The following CERS6 variants were observed in gnomAD, a reference collection of about 807,000 sequenced individuals.
CERS6 encodes the protein LAG1 homolog, ceramide synthase 6.
Under a neutral mutation model 56.8 loss-of-function variants are expected in CERS6, and 26 were observed. That is an observed-to-expected ratio of 0.46 (90% CI 0.34 to 0.63). CERS6 has a LOEUF of 0.63. CERS6 is among the 30% of genes least tolerant of loss of function. CERS6 has a pLI of 0.01. For missense variants in CERS6, 415 were observed against 467.5 expected (o/e 0.89, Z 1.04); for synonymous variants, 164 against 173.3 (o/e 0.95, Z 0.42).
intron 3 of CERS6, among the ~76,000 whole-genome samples, chr2:168,627,598 G>A (rs1684618536): frequency 6.8e-6 from 1 of 146,362 alleles, no homozygotes; most frequent in Admixed American, 6.9e-5. Flanking sequence ...ATTTGTGTGT[G>A]TTGACTTGTT....
At chr2:168,497,883 G>T (rs987585111) in intron 1 of CERS6, among the ~76,000 whole-genome samples, 1 of 152,056 alleles carries the variant, frequency 6.6e-6, no homozygotes, top group East Asian at 1.9e-4. Flanking sequence ...GATGAAGGTG[G>T]CTCTGAAATA....
chr2:168,674,094 G>GAT (rs1198309774), intron 4 of CERS6, among the ~76,000 whole-genome samples: 1 of 152,090 alleles, frequency 6.6e-6, no homozygotes, highest in Non-Finnish European at 1.5e-5. Flanking sequence ...ATAATGACAA[G>GAT]ATAACATTTT....
intron 3 of CERS6, among the ~76,000 whole-genome samples, chr2:168,602,575 A>G (rs996525406): frequency 6.6e-6 from 1 of 152,242 alleles, no homozygotes; most frequent in Non-Finnish European, 1.5e-5. Flanking sequence ...GTTTAAATGA[A>G]TAATGTAGAT....
At chr2:168,618,567 A>G (rs1354261743) in intron 3 of CERS6, among the ~76,000 whole-genome samples, 3 of 152,072 alleles carry the variant, frequency 2.0e-5, no homozygotes, top group Non-Finnish European at 4.4e-5. Context: ...CAAGTCAGTA[A>G]CTCTCGTATA....
Position 168,520,598 on chromosome 2 carries a change from C to CTTTTTTGTTTTTTTTTTTT in CERS6, c.171-26992_171-26991insGTTTTTTTTTTTTTTTTTT, listed in dbSNP as rs1694959081. On this transcript the variant is annotated intron_variant, in intron 1 of 9. Coordinates refer to ENST00000305747, the MANE Select transcript of CERS6 (RefSeq NM_203463.3). ...TTAACTCTTTAACATTTACAATATC[C>CTTTTTTGTTTTTTTTTTTT]TTTTTTTTTTTTTTTTTTTTTTTTT... Among the ~76,000 whole-genome samples the CTTTTTTGTTTTTTTTTTTT allele has an allele frequency of 3.5e-5, 2 of 57,860 alleles. 1 individual carries two copies. The highest frequency in any genetic ancestry group is 1.1e-4 in the African/African-American group (2 of 17,578). The allele number at this position is 57,860 out of a possible 152,430, so 38.0% of individuals were successfully genotyped here. A position where few individuals can be genotyped will look rare whatever the true frequency, so the allele number is the denominator to read the frequency against.
chr2:168,525,564 T>C (rs957969847), intron 1 of CERS6, among the ~76,000 whole-genome samples: 2 of 152,238 alleles, frequency 1.3e-5, no homozygotes, highest in African/African-American at 4.8e-5. Flanking sequence ...TAATCCCTTG[T>C]CAGTGATGAC....
At chr2:168,667,251 C>T (rs1034889532) in intron 4 of CERS6, among the ~76,000 whole-genome samples, 7 of 152,344 alleles carry the variant, frequency 4.6e-5, no homozygotes, top group Admixed American at 2.6e-4. Flanking sequence ...CTTATCTGCC[C>T]GTGCACTTTG....
chr2:168,547,679 AG>A lies in CERS6; in HGVS notation c.256del (p.Val86SerfsTer44). On this transcript the variant is annotated frameshift_variant, in exon 2 of 10. Coordinates refer to ENST00000305747, the MANE Select transcript of CERS6 (RefSeq NM_203463.3). LOFTEE classifies it high-confidence loss of function. The stretch of plus-strand genomic sequence containing the variant: ...GCTCCGCCCAATGCCATTCTGGAAA[AG>A]GTCTTCACTGCAATTACAAAGGTAT... ...QIAPPNAILE[K>X]VFTAITKHPD... is the part of the protein sequence containing the mutation. 6.2e-7 allele frequency: 1 copy of A among 1,611,084 alleles called. No homozygotes were observed. Among genetic ancestry groups the A allele is most frequent in the Non-Finnish European group, 8.5e-7 (1 of 1,177,178 alleles).
intron 1 of CERS6, among the ~76,000 whole-genome samples, chr2:168,484,782 C>T (rs1000810971): frequency 1.2e-4 from 18 of 152,064 alleles, no homozygotes; most frequent in African/African-American, 4.1e-4. Flanking sequence ...GCATTTAAGT[C>T]CTGATATGTT....
chr2:168,470,825 G>C (rs538855290), intron 1 of CERS6, among the ~76,000 whole-genome samples: 14 of 152,278 alleles, frequency 9.2e-5, no homozygotes, highest in African/African-American at 3.4e-4. Context: ...TTTACAATGT[G>C]TGAAGCTTAC....
intron 3 of CERS6, among the ~76,000 whole-genome samples, chr2:168,620,014 T>TACAC (rs1160024194): frequency 5.6e-3 from 342 of 61,222 alleles, no homozygotes; most frequent in East Asian, 0.037. Context: ...CCACAATCCA[T>TACAC]ACACACACAC....
At chr2:168,527,629 G>T (rs113043547) in intron 1 of CERS6, among the ~76,000 whole-genome samples, 1 of 152,182 alleles carries the variant, frequency 6.6e-6, no homozygotes, top group Non-Finnish European at 1.5e-5. Flanking sequence ...CACCTTGAAG[G>T]CTGCATCCTC....
intron 1 of CERS6, among the ~76,000 whole-genome samples, chr2:168,457,313 A>G (rs1442216472): frequency 2.0e-5 from 3 of 152,246 alleles, no homozygotes; most frequent in Admixed American, 6.5e-5. Flanking sequence ...TTAAACTGAT[A>G]ACCCTGTCCT....
chr2:168,677,216 G>C (rs917190498), intron 4 of CERS6, among the ~76,000 whole-genome samples: 1 of 151,270 alleles, frequency 6.6e-6, no homozygotes, highest in African/African-American at 2.4e-5. Flanking sequence ...TCCTCTCCCT[G>C]TGCCCATATG....
intron 4 of CERS6, among the ~76,000 whole-genome samples, chr2:168,642,887 A>G (rs911690368): frequency 1.3e-5 from 2 of 152,322 alleles, no homozygotes; most frequent in Admixed American, 6.5e-5. Context: ...AATTGTCAGG[A>G]TCTACTTTGT....
intron 4 of CERS6, among the ~76,000 whole-genome samples, chr2:168,669,119 A>C (rs1685843619): frequency 6.6e-6 from 1 of 152,174 alleles, no homozygotes; most frequent in South Asian, 2.1e-4. Context: ...AGAAGTCTGA[A>C]GTCTGATATG....
chr2:168,496,360 A>G (rs1301848968), intron 1 of CERS6, among the ~76,000 whole-genome samples: 2 of 152,150 alleles, frequency 1.3e-5, no homozygotes, highest in East Asian at 1.9e-4. Flanking sequence ...TGTAGAAAAA[A>G]ATGGTAACAT....
At chr2:168,754,734 C>T (rs1684369549) in intron 8 of CERS6, among the ~76,000 whole-genome samples, 1 of 152,164 alleles carries the variant, frequency 6.6e-6, no homozygotes, top group Non-Finnish European at 1.5e-5. Flanking sequence ...CTCTTATTTG[C>T]TAAAAATTGT....
intron 1 of CERS6, among the ~76,000 whole-genome samples, chr2:168,463,562 A>G (rs1256076093): frequency 6.6e-6 from 1 of 152,196 alleles, no homozygotes; most frequent in African/African-American, 2.4e-5. Flanking sequence ...GTTGTCCAGA[A>G]AGATTATACC....
Sources: gnomAD v4.1 joint callset for allele counts (sites outside exome capture counted in the v4.1 genomes callset) on GRCh38, gnomAD v4.1.1 for gene constraint, MANE v1.5 for transcripts, NCBI Gene and HGNC (gene_info 2026-07-23, HGNC 2026-07-21) for gene names.